Variants in NTNG2 observed in about 807,000 individuals in gnomAD.
NTNG2 encodes netrin G2.
Under a neutral mutation model 47.6 loss-of-function variants are expected in NTNG2, and 15 were observed. The ratio of observed to expected loss-of-function variants is 0.32; its 90% CI spans 0.21 to 0.49. The LOEUF (loss-of-function observed/expected upper bound fraction) is 0.49, where lower values mean the gene tolerates loss of function less well. Ranked by LOEUF, NTNG2 falls within the 20% of genes least tolerant of loss-of-function variation. The pLI, the probability that NTNG2 is intolerant of heterozygous loss-of-function variation, is 0.99. For synonymous variants in NTNG2, 307 were observed against 324.6 expected (o/e 0.95, Z 0.58); for missense variants, 578 against 764.6 (o/e 0.76, Z 2.88).
intron 2 of NTNG2, among the ~76,000 whole-genome samples, chr9:132,183,097 T>C (rs998367527): frequency 1.3e-5 from 2 of 152,060 alleles, no homozygotes; most frequent in Admixed American, 1.3e-4. Context: ...TTCCATGGCC[T>C]GCCTCGGCTC....
chr9:132,186,513 G>A (rs969984916), intron 2 of NTNG2, among the ~76,000 whole-genome samples: 1 of 152,214 alleles, frequency 6.6e-6, no homozygotes. Context: ...CAGTCATTCA[G>A]GGGTCTGCGG....
rs888834914 is a variant in NTNG2 at position 132,243,861 on chromosome 9, C to A, written c.*1750C>A. The A allele has an allele frequency of 1.3e-5, 2 of 152,638 alleles. No individual in the cohort carries two copies. The highest frequency in any genetic ancestry group is 4.8e-5 in the African/African-American group (2 of 41,458). The allele number at this position is 152,638 out of a possible 1,614,324, so 9.5% of individuals were successfully genotyped here. Reference sequence around the variant, plus strand: ...ACACACCAGCCCCTCCTGGCCTCCTCTCTCTGCTCCCACCCCCAGCACCCT... The same window carrying A: ...ACACACCAGCCCCTCCTGGCCTCCTATCTCTGCTCCCACCCCCAGCACCCT... On this transcript the variant is annotated 3_prime_UTR_variant, in exon 8 of 8. Coordinates refer to ENST00000393229, the MANE Select transcript of NTNG2 (RefSeq NM_032536.4).
chr9:132,228,117 G>T (rs951233250), intron 4 of NTNG2, among the ~76,000 whole-genome samples: 1 of 152,260 alleles, frequency 6.6e-6, no homozygotes, highest in African/African-American at 2.4e-5. Flanking sequence ...GGCAGCTACT[G>T]GATCTGATGC....
At chr9:132,194,480 G>A (rs539242574) in intron 2 of NTNG2, among the ~76,000 whole-genome samples, 6 of 152,304 alleles carry the variant, frequency 3.9e-5, no homozygotes, top group Middle Eastern at 3.4e-3. Context: ...AGAGTCACCC[G>A]GCCAGTGAGT....
At chr9:132,165,171 G>A (rs1835421543) in intron 1 of NTNG2, among the ~76,000 whole-genome samples, 1 of 152,082 alleles carries the variant, frequency 6.6e-6, no homozygotes, top group Non-Finnish European at 1.5e-5. Flanking sequence ...CAATATTTTT[G>A]GCCAGAATCC....
intron 3 of NTNG2, among the ~76,000 whole-genome samples, chr9:132,207,311 G>C (rs1839238545): frequency 6.6e-6 from 1 of 152,222 alleles, no homozygotes; most frequent in South Asian, 2.1e-4. Flanking sequence ...TCAGGGTGCA[G>C]CTGGCTTCGC....
chr9:132,164,289 A>G (rs1249647780), intron 1 of NTNG2, among the ~76,000 whole-genome samples: 1 of 152,144 alleles, frequency 6.6e-6, no homozygotes, highest in Non-Finnish European at 1.5e-5. Flanking sequence ...TAGATTTGCG[A>G]GTTGCGCCGC....
chr9:132,241,200 G>C, intron 7 of NTNG2, among the ~76,000 whole-genome samples, 156 bp downstream of exon 7: 1 of 151,704 alleles, frequency 6.6e-6, no homozygotes. Flanking sequence ...CTAGTGGGAC[G>C]GGGAAGAGGC....
At chr9:132,223,917 C>T (rs1840538270) in intron 3 of NTNG2, among the ~76,000 whole-genome samples, 1 of 151,878 alleles carries the variant, frequency 6.6e-6, no homozygotes, top group Admixed American at 6.6e-5. Context: ...CTCCTCCACC[C>T]CCCAGCCTCA....
Position 132,167,044 on chromosome 9 carries a change from T to C in NTNG2, c.213T>C (p.His71=), listed in dbSNP as rs780407387. ...ACCCCCCTGAGAGGTTCTGCTCCCA[T>C]GTAAGTCCACTTACTGCTCTTTTGT... is the stretch of plus-strand genomic sequence containing the variant. ...CGDPPERFCS[H]ENPYLCSNEC... Residue 71 remains histidine (H), a splice_region_variant and synonymous_variant, in exon 2 of 8, where the codon CAT becomes CAC. Transcript: ENST00000393229. 6.8e-6 allele frequency: 11 copies of C among 1,614,028 alleles called. No individual in the cohort carries two copies. Among genetic ancestry groups the C allele is most frequent in the Non-Finnish European group, 9.3e-6 (11 of 1,179,868 alleles).
In NTNG2 at chr9:132,226,874, C is replaced by A; in HGVS notation, c.883C>A (p.Leu295Met). 1 of 1,610,912 alleles carries A rather than the reference C, an allele frequency of 6.2e-7. No homozygotes were observed. The change falls in exon 4 of 8, where the codon CTG (leucine) becomes ATG (methionine). Residue 295 changes from leucine (L) to methionine (M), a missense_variant. By Grantham distance (15) the Leu-to-Met change is conservative. Transcript: ENST00000393229. The surrounding 1 kb of genome is among the most constrained non-coding windows in gnomAD (Gnocchi z 4.8). Reference protein sequence around the residue: ...GRCKCNLHANLCSMREGSLQC... With the variant: ...GRCKCNLHANMCSMREGSLQC... ...GTGCAAGTGCAACCTGCACGCCAACCTGTGCTCCATGCGCGAGGGCAGCCT... is the reference window on the plus strand; with the variant it reads ...GTGCAAGTGCAACCTGCACGCCAACATGTGCTCCATGCGCGAGGGCAGCCT...
In NTNG2 at chr9:132,242,047, C is replaced by G; in HGVS notation, c.1529C>G (p.Pro510Arg). The stretch of plus-strand genomic sequence containing the variant: ...TGCGACCGCGCGCCCGGGGCCGCCC[C>G]GCGCCCCGCCACCCTGCTCGGCTGC... ...LDCDRAPGAA[P>R]RPATLLGCLL... The change falls in exon 8 of 8, where the codon CCG (proline) becomes CGG (arginine). Residue 510 changes from proline to arginine, a missense_variant. Coordinates refer to ENST00000393229, the MANE Select transcript of NTNG2 (RefSeq NM_032536.4). This position sits in a 1 kb window ranked among gnomAD's most constrained non-coding sequence, Gnocchi z 5.9. The G allele has an allele frequency of 1.6e-6, 2 of 1,272,232 alleles. No homozygotes were observed. The highest frequency in any genetic ancestry group is 2.0e-6 in the Non-Finnish European group (2 of 1,013,104). The allele number at this position is 1,272,232 out of a possible 1,614,324, so 78.8% of individuals were successfully genotyped here. A position where few individuals can be genotyped will look rare whatever the true frequency, so the allele number is the denominator to read the frequency against.
chr9:132,175,504 G>C (rs1017335718), intron 2 of NTNG2, among the ~76,000 whole-genome samples: 2 of 152,168 alleles, frequency 1.3e-5, no homozygotes, highest in African/African-American at 4.8e-5. Context: ...AGTCCCTGTG[G>C]CCAGCACTGA....
At chr9:132,214,463 T>G (rs1349385767) in intron 3 of NTNG2, among the ~76,000 whole-genome samples, 1 of 152,184 alleles carries the variant, frequency 6.6e-6, no homozygotes, top group Non-Finnish European at 1.5e-5. Context: ...AGAACTGGTG[T>G]TATCTGGGCT....
rs73545016 is a variant in NTNG2 at position 132,241,097 on chromosome 9, G to C, written c.1357+53G>C. On this transcript the variant is annotated intron_variant, in intron 7 of 7. Coordinates refer to ENST00000393229, the MANE Select transcript of NTNG2 (RefSeq NM_032536.4). ...GGGCCTGCGGAAAGGGGACGGGGCA[G>C]GACCGAGGCAGTGGGCGGGGCCTAG... 2.1e-3 allele frequency: 3,246 copies of C among 1,516,224 alleles called. 54 individuals carry two copies. The African/African-American group carries it at 0.039, about 18-fold the overall frequency. The allele number at this position is 1,516,224 out of a possible 1,614,324, so 93.9% of individuals were successfully genotyped here.
At chr9:132,169,561 G>A (rs1219043082) in intron 2 of NTNG2, among the ~76,000 whole-genome samples, 2 of 152,226 alleles carry the variant, frequency 1.3e-5, no homozygotes, top group African/African-American at 2.4e-5. Context: ...ACATCACTCC[G>A]TTGAGAAGGC....
Position 132,242,067 on chromosome 9 carries a change from G to A in NTNG2, c.1549G>A (p.Gly517Ser). The change falls in exon 8 of 8, where the codon GGC becomes AGC. Residue 517 changes from glycine (G) to serine (S), a missense_variant. Physicochemically the swap from Gly to Ser is moderately conservative, Grantham distance 56. Transcript: ENST00000393229. The surrounding 1 kb of genome is among the most constrained non-coding windows in gnomAD (Gnocchi z 5.9). ...GAAPRPATLL[G>S]CLLLLGLAAR... ...CGCCCCGCGCCCCGCCACCCTGCTC[G>A]GCTGCCTGCTGCTGCTGGGGCTGGC... 8.2e-7 allele frequency: 1 copy of A among 1,220,028 alleles called. No homozygotes were observed. The allele number at this position is 1,220,028 out of a possible 1,614,324, so 75.6% of individuals were successfully genotyped here.
chr9:132,224,265 T>G (rs1840565158), intron 3 of NTNG2, among the ~76,000 whole-genome samples: 1 of 152,192 alleles, frequency 6.6e-6, no homozygotes, highest in South Asian at 2.1e-4. Context: ...TTCCCCTATT[T>G]TGGAGTATAT....
chr9:132,191,557 C>T (rs1837888120), intron 2 of NTNG2, among the ~76,000 whole-genome samples: 1 of 94,364 alleles, frequency 1.1e-5, no homozygotes, highest in South Asian at 2.8e-4. Context: ...GGTATGTTAA[C>T]TCATCTTTCT....
Sources: gnomAD v4.1 joint callset for allele counts (sites outside exome capture counted in the v4.1 genomes callset) on GRCh38, gnomAD v4.1.1 for gene constraint, Gnocchi (gnomAD v3.1) non-coding constraint, MANE v1.5 for transcripts, NCBI Gene and HGNC (gene_info 2026-07-23, HGNC 2026-07-21) for gene names.